ZNF385B: variants seen among roughly 807,000 people sequenced by gnomAD.
ZNF385B encodes zinc finger protein 533.
In ZNF385B, 23 loss-of-function variants were observed where a neutral mutation model predicts 39.2. That is an observed-to-expected ratio of 0.59 (90% CI 0.42 to 0.83). The LOEUF (loss-of-function observed/expected upper bound fraction) is 0.83. Ranked by LOEUF, ZNF385B falls within the 40% of genes least tolerant of loss-of-function variation. The pLI, the probability that ZNF385B is intolerant of heterozygous loss-of-function variation, is 0.00. For missense variants in ZNF385B, 552 were observed against 598.9 expected, an observed-to-expected ratio of 0.92 and a Z score of 0.82; for synonymous variants, 205 against 222.6, an observed-to-expected ratio of 0.92 and a Z score of 0.70.
intron 1 of ZNF385B, among the ~76,000 whole-genome samples, chr2:179,813,854 C>T (rs984092969): frequency 6.6e-6 from 1 of 152,128 alleles, no homozygotes; most frequent in Non-Finnish European, 1.5e-5. Flanking sequence ...TTTGACTCAG[C>T]AATTTCCTTC....
chr2:179,701,400 G>A (rs755816503), intron 3 of ZNF385B, among the ~76,000 whole-genome samples: 18 of 152,144 alleles, frequency 1.2e-4, no homozygotes, highest in Non-Finnish European at 2.2e-4. Context: ...AATGACTACT[G>A]AGAATTTACA....
chr2:179,645,085 TG>T (rs1692601707), intron 3 of ZNF385B, among the ~76,000 whole-genome samples: 2 of 152,228 alleles, frequency 1.3e-5, no homozygotes, highest in Non-Finnish European at 2.9e-5. Flanking sequence ...AGAATTTTAG[TG>T]GCAGAGAAGT....
At chr2:179,858,073 G>A (rs1012668748) in intron 1 of ZNF385B, among the ~76,000 whole-genome samples, 1 of 152,126 alleles carries the variant, frequency 6.6e-6, no homozygotes, top group Non-Finnish European at 1.5e-5. Flanking sequence ...GGGAGAGAAT[G>A]GAGATGGGAA....
intron 1 of ZNF385B, among the ~76,000 whole-genome samples, chr2:179,791,402 T>A (rs1404467528): frequency 6.6e-6 from 1 of 152,218 alleles, no homozygotes; most frequent in Non-Finnish European, 1.5e-5. Context: ...AAAATGTGGA[T>A]ATTTTCCAAT....
At chr2:179,650,905 A>G (rs1693137667) in intron 3 of ZNF385B, among the ~76,000 whole-genome samples, 1 of 152,200 alleles carries the variant, frequency 6.6e-6, no homozygotes. Context: ...GACAATTGAT[A>G]CAATCATACC....
intron 3 of ZNF385B, among the ~76,000 whole-genome samples, chr2:179,718,978 ATT>A (rs902732932): frequency 5.7e-4 from 86 of 150,776 alleles, no homozygotes; most frequent in Non-Finnish European, 8.3e-4. Context: ...GTGTATATAT[ATT>A]TTTTTTTTCT....
At chr2:179,735,784 T>A (rs964972036) in intron 3 of ZNF385B, among the ~76,000 whole-genome samples, 1 of 150,076 alleles carries the variant, frequency 6.7e-6, no homozygotes, top group African/African-American at 2.5e-5. Context: ...TCTCAAGAAC[T>A]AAAAACCAAA....
In ZNF385B at chr2:179,861,370, G is replaced by A. The variant is rs1358411427; in HGVS notation, c.-424C>T. On this transcript the variant is annotated 5_prime_UTR_variant, in exon 1 of 10. Transcript: ENST00000410066. The stretch of plus-strand genomic sequence containing the variant: ...TTAAGCGCCCGGCCGCTGCCCCCGC[G>A]CTGAGCGCCTGCGCACCGGGCCTCG... The A allele has an allele frequency of 6.7e-6, 1 of 150,012 alleles. No individual in the cohort carries two copies. Among genetic ancestry groups the A allele is most frequent in the Non-Finnish European group, 1.5e-5 (1 of 67,340 alleles). 9.3% of individuals were successfully genotyped at this position (150,012 alleles called of 1,614,324 possible).
At position 179,722,500 on chromosome 2, in the gene ZNF385B, C is replaced by G. The variant is rs745760557; in HGVS notation, c.298+47003G>C. 6.1e-4 allele frequency among the ~76,000 whole-genome samples: 93 copies of G among 152,000 alleles called. 1 individual carries two copies. Among genetic ancestry groups the G allele is most frequent in the Admixed American group, 6.6e-4 (10 of 15,232 alleles). Reference sequence around the variant, plus strand: ...CTGAAAGCCAGAGGGGAAGAAGAAACTATTCACTAAATGACTCTGGAACAA... The same window carrying G: ...CTGAAAGCCAGAGGGGAAGAAGAAAGTATTCACTAAATGACTCTGGAACAA... On this transcript the variant is annotated intron_variant, in intron 3 of 9. Transcript: ENST00000410066.
At chr2:179,692,675 G>C (rs1698444666) in intron 3 of ZNF385B, among the ~76,000 whole-genome samples, 3 of 152,134 alleles carry the variant, frequency 2.0e-5, no homozygotes, top group Non-Finnish European at 2.9e-5. Flanking sequence ...TCATGCCACT[G>C]TGTAAATAAT....
intron 1 of ZNF385B, among the ~76,000 whole-genome samples, chr2:179,784,628 G>GA (rs978583053): frequency 2.0e-5 from 3 of 152,020 alleles, no homozygotes; most frequent in South Asian, 2.1e-4. Flanking sequence ...AAACCCAACA[G>GA]AAAAATGAAC....
At chr2:179,800,040 G>A (rs1338794741) in intron 1 of ZNF385B, among the ~76,000 whole-genome samples, 2 of 151,916 alleles carry the variant, frequency 1.3e-5, no homozygotes, top group South Asian at 2.1e-4. Context: ...AAACATTTTC[G>A]AATAAAGCAA....
intron 3 of ZNF385B, among the ~76,000 whole-genome samples, chr2:179,763,144 T>G (rs2171190): frequency 0.049 from 7,409 of 152,242 alleles, 257 homozygotes; most frequent in Middle Eastern, 0.099. Context: ...CCTCAAGTGA[T>G]CTGCCCACCT....
At chr2:179,602,915 T>C (rs774087387) in intron 3 of ZNF385B, among the ~76,000 whole-genome samples, 1 of 152,222 alleles carries the variant, frequency 6.6e-6, no homozygotes, top group African/African-American at 2.4e-5. Flanking sequence ...TTTTTCACTG[T>C]TGATTAGTAT....
In ZNF385B at chr2:179,555,455, A is replaced by G. The variant is rs765482493; in HGVS notation, c.299-10486T>C. Reference sequence around the variant, plus strand: ...TGCTATATTTGTGTACATTCATTCAACTGCACACTTATGTGCACTTTTCTG... The same window carrying G: ...TGCTATATTTGTGTACATTCATTCAGCTGCACACTTATGTGCACTTTTCTG... On this transcript the variant is annotated intron_variant, in intron 3 of 9. Coordinates refer to ENST00000410066, the MANE Select transcript of ZNF385B (RefSeq NM_152520.6). Among the ~76,000 whole-genome samples the G allele has an allele frequency of 2.7e-5, 4 of 149,376 alleles. No individual in the cohort carries two copies. The East Asian group carries it at 7.7e-4, about 29-fold the overall frequency.
chr2:179,530,355 A>T (rs1574636364), intron 4 of ZNF385B, among the ~76,000 whole-genome samples: 1 of 152,308 alleles, frequency 6.6e-6, no homozygotes, highest in African/African-American at 2.4e-5. Context: ...GATGTAGTTT[A>T]AAAAAACACT....
rs551751465 is a variant in ZNF385B, at chr2:179,518,470, A to C, written c.552+58T>G. ...AATATGAAGAAATGTACGTATTTAG[A>C]TCAATCAGACTTTTAGCTCTGACAA... On this transcript the variant is annotated intron_variant, in intron 5 of 9. Transcript: ENST00000410066. 2.5e-6 allele frequency: 3 copies of C among 1,212,298 alleles called. No homozygotes were observed. The South Asian group carries it at 4.0e-5, about 16-fold the overall frequency. 75.1% of individuals were successfully genotyped at this position (1,212,298 alleles called of 1,614,324 possible). A position where few individuals can be genotyped will look rare whatever the true frequency, so the allele number is the denominator to read the frequency against.
chr2:179,498,506 A>T (rs1449091509), intron 5 of ZNF385B, among the ~76,000 whole-genome samples: 4 of 152,080 alleles, frequency 2.6e-5, no homozygotes, highest in African/African-American at 9.6e-5. Context: ...CCACAATGGA[A>T]TAAAACTAGA....
intron 1 of ZNF385B, among the ~76,000 whole-genome samples, chr2:179,825,958 C>T (rs1285215774): frequency 2.6e-5 from 4 of 152,120 alleles, no homozygotes; most frequent in Non-Finnish European, 5.9e-5. Context: ...ATTCTGATGC[C>T]ATCCCCTTCC....
Sources: allele counts gnomAD v4.1 joint callset (sites outside exome capture counted in the v4.1 genomes callset), GRCh38; gene constraint gnomAD v4.1.1; transcripts MANE v1.5; gene names NCBI Gene and HGNC (gene_info 2026-07-23, HGNC 2026-07-21).